The following GRM8 variants were observed in gnomAD, a reference collection of about 807,000 sequenced individuals.
GRM8 encodes glutamate metabotropic receptor 8.
In GRM8, 47 loss-of-function variants were observed where a neutral mutation model predicts 87.2. The ratio of observed to expected loss-of-function variants is 0.54; its 90% CI spans 0.43 to 0.69. The LOEUF (loss-of-function observed/expected upper bound fraction) is 0.69. Ranked by LOEUF, GRM8 falls within the 30% of genes least tolerant of loss-of-function variation. GRM8 has a pLI of 0.00. For missense variants in GRM8, 1,019 were observed against 1,139.2 expected (o/e 0.89, Z 1.52); for synonymous variants, 396 against 404.5 (o/e 0.98, Z 0.25).
chr7:126,452,203 A>G (rs1435315970), intron 9 of GRM8, among the ~76,000 whole-genome samples: 1 of 148,164 alleles, frequency 6.7e-6, no homozygotes, highest in Non-Finnish European at 1.5e-5. Context: ...CAAACATGGT[A>G]TGTTCTCACT....
intron 6 of GRM8, among the ~76,000 whole-genome samples, chr7:126,803,428 G>A (rs767753553): frequency 6.6e-6 from 1 of 152,104 alleles, no homozygotes. Context: ...AATCATAAAC[G>A]TATATACTTA....
intron 7 of GRM8, among the ~76,000 whole-genome samples, chr7:126,710,767 C>G (rs537459461): frequency 6.6e-6 from 1 of 152,186 alleles, no homozygotes; most frequent in South Asian, 2.1e-4. Flanking sequence ...TTCCATTAAT[C>G]GTGAATGTTC....
chr7:127,142,550 A>AT (rs1299817107), intron 2 of GRM8, among the ~76,000 whole-genome samples: 3 of 152,134 alleles, frequency 2.0e-5, no homozygotes. Context: ...TAATTCAGAA[A>AT]TTTTTTTCTT....
intron 2 of GRM8, among the ~76,000 whole-genome samples, chr7:127,220,562 A>G (rs1009708851): frequency 1.1e-4 from 16 of 152,034 alleles, no homozygotes; most frequent in African/African-American, 3.6e-4. Flanking sequence ...ATGGCTCACT[A>G]TAGCCTCTAC....
At chr7:126,494,718 A>G (rs1808479565) in intron 9 of GRM8, among the ~76,000 whole-genome samples, 1 of 152,180 alleles carries the variant, frequency 6.6e-6, no homozygotes, top group East Asian at 1.9e-4. Flanking sequence ...ATAGAATTGT[A>G]CATTTGAATG....
intron 2 of GRM8, among the ~76,000 whole-genome samples, chr7:127,192,360 T>C (rs1291844063): frequency 6.6e-6 from 1 of 152,220 alleles, no homozygotes; most frequent in Non-Finnish European, 1.5e-5. Context: ...TTAAAATTCC[T>C]CAGGCAGGGG....
chr7:126,884,452 T>C (rs1238636663), intron 6 of GRM8, among the ~76,000 whole-genome samples: 1 of 152,000 alleles, frequency 6.6e-6, no homozygotes, highest in African/African-American at 2.4e-5. Flanking sequence ...AACTCTTTCA[T>C]CTTTTTATTT....
chr7:127,018,213 G>T (rs1024531779), intron 3 of GRM8, among the ~76,000 whole-genome samples: 1 of 151,922 alleles, frequency 6.6e-6, no homozygotes, highest in African/African-American at 2.4e-5. Flanking sequence ...TATATAAAGG[G>T]CAGCTGCCTC....
At chr7:126,981,488 C>T (rs1376660663) in intron 3 of GRM8, among the ~76,000 whole-genome samples, 10 of 152,194 alleles carry the variant, frequency 6.6e-5, no homozygotes, top group Admixed American at 5.2e-4. Flanking sequence ...CATGGTATCA[C>T]ATAGCGAGGA....
At chr7:127,136,544 A>G (rs1008652640) in intron 2 of GRM8, among the ~76,000 whole-genome samples, 5 of 152,028 alleles carry the variant, frequency 3.3e-5, no homozygotes, top group African/African-American at 1.2e-4. Context: ...CAGATCAGAG[A>G]CTTCTCTCTT....
intron 7 of GRM8, among the ~76,000 whole-genome samples, chr7:126,763,564 A>G (rs1220962927): frequency 6.6e-6 from 1 of 150,676 alleles, no homozygotes; most frequent in East Asian, 1.9e-4. Context: ...GGTTTCATTT[A>G]TCACATGTCT....
chr7:127,212,074 A>T (rs1179947509), intron 2 of GRM8, among the ~76,000 whole-genome samples: 1 of 152,216 alleles, frequency 6.6e-6, no homozygotes, highest in South Asian at 2.1e-4. Context: ...CTTACATAAT[A>T]GTCACACCCC....
intron 7 of GRM8, among the ~76,000 whole-genome samples, chr7:126,631,475 TCAATGCTATTCC>T (rs1033616022): frequency 1.6e-4 from 25 of 152,284 alleles, no homozygotes; most frequent in Admixed American, 1.3e-3. Flanking sequence ...ATTTATAGAT[TCAATGCTATTCC>T]CATTAAACTA....
At chr7:127,162,769 C>A (rs956723164) in intron 2 of GRM8, among the ~76,000 whole-genome samples, 6 of 152,158 alleles carry the variant, frequency 3.9e-5, no homozygotes, top group African/African-American at 1.2e-4. Context: ...CAAAGCGAAA[C>A]AAGTTTGAAA....
chr7:127,071,587 A>G (rs892744762), intron 3 of GRM8, among the ~76,000 whole-genome samples: 2 of 152,184 alleles, frequency 1.3e-5, no homozygotes, highest in Non-Finnish European at 2.9e-5. Flanking sequence ...GTCGGACTGG[A>G]TCAAAAGCTA....
chr7:126,669,359 A>G (rs1806142200), intron 7 of GRM8, among the ~76,000 whole-genome samples: 1 of 151,996 alleles, frequency 6.6e-6, no homozygotes, highest in Non-Finnish European at 1.5e-5. Context: ...AAAAGTCAAC[A>G]AGAAAAAAAA....
intron 2 of GRM8, among the ~76,000 whole-genome samples, chr7:127,233,801 GAAGT>G (rs1797833581): frequency 6.6e-6 from 1 of 152,210 alleles, no homozygotes; most frequent in Non-Finnish European, 1.5e-5. Flanking sequence ...TGAGCCTAAT[GAAGT>G]AATACAGCAG....
chr7:126,913,501 A>G (rs1803532891), intron 3 of GRM8, among the ~76,000 whole-genome samples: 1 of 152,222 alleles, frequency 6.6e-6, no homozygotes, highest in African/African-American at 2.4e-5. Flanking sequence ...GATACAGCCC[A>G]TCCACCATTA....
At chr7:126,829,887 G>A (rs1021343949) in intron 6 of GRM8, among the ~76,000 whole-genome samples, 1 of 151,898 alleles carries the variant, frequency 6.6e-6, no homozygotes, top group African/African-American at 2.4e-5. Flanking sequence ...AGCTCTTTTA[G>A]GGCAGGCCTG....
Sources: gnomAD v4.1 joint callset for allele counts (sites outside exome capture counted in the v4.1 genomes callset) on GRCh38, gnomAD v4.1.1 for gene constraint, MANE v1.5 for transcripts, NCBI Gene and HGNC (gene_info 2026-07-23, HGNC 2026-07-21) for gene names.